The following CATSPER2 variants were observed in gnomAD, a reference collection of about 807,000 sequenced individuals.
The protein encoded by CATSPER2 is cation channel sperm-associated protein 2.
Under a neutral mutation model 68.8 loss-of-function variants are expected in CATSPER2, and 56 were observed. The ratio of observed to expected loss-of-function variants is 0.81; its 90% CI spans 0.66 to 1.02. CATSPER2 has a LOEUF of 1.02. Ranked by LOEUF, CATSPER2 falls within the 50% of genes least tolerant of loss-of-function variation. The pLI is 0.00. For missense variants in CATSPER2, 582 were observed against 642.0 expected (o/e 0.91, Z 1.01); for synonymous variants, 198 against 229.9 (o/e 0.86, Z 1.26).
chr15:43,637,224 T>C (rs1395723586), intron 7 of CATSPER2, among the ~76,000 whole-genome samples: 2 of 151,914 alleles, frequency 1.3e-5, no homozygotes, highest in African/African-American at 2.4e-5. Flanking sequence ...TTTAGCAAAA[T>C]AGAAGATCAT....
Position 43,640,393 on chromosome 15 carries a change from C to T in CATSPER2, c.492G>A (p.Lys164=). 1 of 1,613,014 alleles carries T rather than the reference C, an allele frequency of 6.2e-7. No individual in the cohort carries two copies. The highest frequency in any genetic ancestry group is 8.5e-7 in the Non-Finnish European group (1 of 1,179,424). Residue 164 remains lysine (K), a synonymous_variant, in exon 5 of 13, where the codon AAG becomes AAA. Coordinates refer to ENST00000396879, the MANE Select transcript of CATSPER2 (RefSeq NM_172095.4). ...AGAAAACAGAAAAGTTGGATAGCCA[C>T]TTAAGAAGGATCTCCAGGATGAAAA... ...LLIFILEILL[K]WLSNFSVFWK... is the part of the protein sequence containing the mutation.
At position 43,648,784 on chromosome 15, in the gene CATSPER2, T is replaced by G; in HGVS notation, c.-158A>C. ...CCCCGCCCCGCTCGACCCCCAGGTT[T>G]CGGCTCACCCCGGGACCCGGCCCTA... On this transcript the variant is annotated 5_prime_UTR_variant, in exon 1 of 13. Transcript: ENST00000396879. 2 of 1,529,190 alleles carry G rather than the reference T, an allele frequency of 1.3e-6. No individual in the cohort carries two copies. The highest frequency in any genetic ancestry group is 1.8e-6 in the Non-Finnish European group (2 of 1,141,892). 94.7% of individuals were successfully genotyped at this position (1,529,190 alleles called of 1,614,324 possible).
chr15:43,638,895 T>C lies in CATSPER2; in HGVS notation c.842+9A>G. On this transcript the variant is annotated intron_variant, in intron 7 of 12. Coordinates refer to ENST00000396879, the MANE Select transcript of CATSPER2 (RefSeq NM_172095.4). ...CTCCCCTCACCCAGCTGTCCCCAGC[T>C]CTGCTTACGAGAAGAACACATGGTA... 6.2e-7 allele frequency: 1 copy of C among 1,612,418 alleles called. No homozygotes were observed. The highest frequency in any genetic ancestry group is 8.5e-7 in the Non-Finnish European group (1 of 1,179,100).
At chr15:43,641,163 C>G (rs1053381750) in intron 4 of CATSPER2, among the ~76,000 whole-genome samples, 2 of 150,536 alleles carry the variant, frequency 1.3e-5, no homozygotes, top group Non-Finnish European at 3.0e-5. Flanking sequence ...GTTGCCCAGG[C>G]TGGAGTGCAA....
upstream of CATSPER2, chr15:43,648,849 G>C: frequency 2.0e-6 from 3 of 1,524,400 alleles, no homozygotes; most frequent in Non-Finnish European, 2.6e-6. Flanking sequence ...AGCAACGCTC[G>C]CCCAGCCACT....
intron 12 of CATSPER2, chr15:43,631,589 T>C: frequency 3.2e-6 from 1 of 310,990 alleles, no homozygotes. Flanking sequence ...GTAATGAAAT[T>C]TAGGAAAAAT....
rs148284143 is a variant in CATSPER2 at position 43,630,207 on chromosome 15, G to C, written c.*494C>G. The stretch of plus-strand genomic sequence containing the variant: ...TATGATCCTAGCTTGCTGTAGCCTC[G>C]AACTCCCTGCCTCAAACAATCCTGC... On this transcript the variant is annotated 3_prime_UTR_variant, in exon 13 of 13. Transcript: ENST00000396879. 417 of 188,122 alleles carry C rather than the reference G, an allele frequency of 2.2e-3. 7 individuals carry two copies. The highest frequency in any genetic ancestry group is 9.5e-3 in the African/African-American group (404 of 42,514). 11.7% of individuals were successfully genotyped at this position (188,122 alleles called of 1,614,324 possible). A position where few individuals can be genotyped will look rare whatever the true frequency, so the allele number is the denominator to read the frequency against.
chr15:43,643,706 T>C (rs539908582), intron 4 of CATSPER2, among the ~76,000 whole-genome samples: 1 of 152,158 alleles, frequency 6.6e-6, no homozygotes, highest in East Asian at 1.9e-4. Flanking sequence ...GATGTTCATC[T>C]GATTCTATAA....
rs140896505 is a variant in CATSPER2 at position 43,632,392 on chromosome 15, C to T, written c.1397-29G>A. 5,154 of 1,611,766 alleles carry T rather than the reference C, an allele frequency of 3.2e-3. 195 individuals carry two copies. The African/African-American group carries it at 0.061, about 19-fold the overall frequency. On this transcript the variant is annotated intron_variant, in intron 11 of 12. Transcript: ENST00000396879. ...CAGGGAGGAATGCTTCAGAAAAGCA[C>T]GTCTAGATTTGTAAAAGTTGGGTAA...
chr15:43,640,491 G>A lies in CATSPER2; in HGVS notation c.394C>T (p.Leu132=). 3.1e-6 allele frequency: 5 copies of A among 1,613,198 alleles called. No homozygotes were observed. Among genetic ancestry groups the A allele is most frequent in the Non-Finnish European group, 4.2e-6 (5 of 1,179,420 alleles). The part of the protein sequence containing the change: ...TIILMVEIEL[L]ESTNTKLWPL... The stretch of plus-strand genomic sequence containing the variant: ...CATAGTTTGGTATTTGTGGATTCCA[G>A]CAATTCTGTGAAGATAGAGCAAAGG... The change falls in exon 5 of 13, where the codon CTG becomes TTG. Residue 132 remains leucine (L), a synonymous_variant. Transcript: ENST00000396879.
intron 4 of CATSPER2, among the ~76,000 whole-genome samples, chr15:43,641,119 TTTG>T (rs1339476397): frequency 7.2e-6 from 1 of 137,948 alleles, no homozygotes; most frequent in African/African-American, 3.3e-5. Flanking sequence ...TTTTTTGTTT[TTTG>T]TTTTTTTTTT....
rs1275284081 is a variant in CATSPER2, at chr15:43,632,748, G to A, written c.1365C>T (p.Ser455=). 6.2e-7 allele frequency: 1 copy of A among 1,613,458 alleles called. No individual in the cohort carries two copies. The highest frequency in any genetic ancestry group is 2.2e-5 in the East Asian group (1 of 44,880). The change falls in exon 11 of 13, where the codon TCC becomes TCT. Residue 455 remains serine (S), a synonymous_variant. Coordinates refer to ENST00000396879, the MANE Select transcript of CATSPER2 (RefSeq NM_172095.4). ...CVSSTSSSYS[S]SSESRFSESI... ...ATTCAGAAAATCTGGATTCAGAAGA[G>A]GAAGAATAGGAAGAGGATGTGGAGG...
Position 43,645,227 on chromosome 15 carries a change from T to C in CATSPER2, c.388+1823A>G, listed in dbSNP as rs183391703. 4.7e-3 allele frequency among the ~76,000 whole-genome samples: 716 copies of C among 151,742 alleles called. 10 individuals carry two copies. Among genetic ancestry groups the C allele is most frequent in the African/African-American group, 0.014 (600 of 41,400 alleles). On this transcript the variant is annotated intron_variant, in intron 4 of 12. Coordinates refer to ENST00000396879, the MANE Select transcript of CATSPER2 (RefSeq NM_172095.4). ...TGTGCCACCACACCTAGCTAACTTTTGTATTTTTTGTAGAGATGAGGTTTC... is the reference window on the plus strand; with the variant it reads ...TGTGCCACCACACCTAGCTAACTTTCGTATTTTTTGTAGAGATGAGGTTTC...
upstream of CATSPER2, chr15:43,648,852 C>A (rs990506500): frequency 1.7e-5 from 26 of 1,525,314 alleles, no homozygotes; most frequent in Non-Finnish European, 2.3e-5. Context: ...AACGCTCGCC[C>A]AGCCACTCGC....
upstream of CATSPER2, chr15:43,648,863 C>T (rs1253352909): frequency 1.9e-5 from 29 of 1,515,252 alleles, no homozygotes; most frequent in Middle Eastern, 3.7e-4. Flanking sequence ...AGCCACTCGC[C>T]GCCTAGGCCC....
chr15:43,630,577 T>A lies in CATSPER2; in HGVS notation c.*124A>T. 1 of 1,595,792 alleles carries A rather than the reference T, an allele frequency of 6.3e-7. No individual in the cohort carries two copies. The highest frequency in any genetic ancestry group is 8.5e-7 in the Non-Finnish European group (1 of 1,169,910). On this transcript the variant is annotated 3_prime_UTR_variant, in exon 13 of 13. Coordinates refer to ENST00000396879, the MANE Select transcript of CATSPER2 (RefSeq NM_172095.4). The stretch of plus-strand genomic sequence containing the variant: ...TCACCACGCCTGGCCTAGACACTTA[T>A]ACTTTTTAATTTTAATGAACAGACA...
intron 6 of CATSPER2, among the ~76,000 whole-genome samples, 167 bp from the exon 7 acceptor site, chr15:43,639,195 C>T (rs1314421186): frequency 3.3e-5 from 5 of 151,622 alleles, no homozygotes; most frequent in Admixed American, 1.3e-4. Flanking sequence ...CATCCAATAA[C>T]ATTTCACAGG....
intron 10 of CATSPER2, chr15:43,633,267 T>C (rs368243758): frequency 8.2e-5 from 30 of 367,130 alleles, no homozygotes; most frequent in South Asian, 4.2e-4. Context: ...CTGATCTCTC[T>C]ACTCCTTCCC....
At chr15:43,639,153 T>C (rs2447194) in intron 6 of CATSPER2, 125 bp from the exon 7 acceptor site, 37 of 1,161,556 alleles carry the variant, frequency 3.2e-5, no homozygotes, top group East Asian at 7.5e-5. Context: ...CCAGTCATCT[T>C]TGAACCATGG....
Sources: gnomAD v4.1 joint callset for allele counts (sites outside exome capture counted in the v4.1 genomes callset) on GRCh38, gnomAD v4.1.1 for gene constraint, MANE v1.5 for transcripts, NCBI Gene and HGNC (gene_info 2026-07-23, HGNC 2026-07-21) for gene names.